XIRP2: variants seen among roughly 807,000 people sequenced by gnomAD.
The protein encoded by XIRP2 is xin actin binding repeat containing 2.
Under a neutral mutation model 277.0 loss-of-function variants are expected in XIRP2, and 236 were observed. That is an observed-to-expected ratio of 0.85 (90% CI 0.77 to 0.95). The LOEUF (loss-of-function observed/expected upper bound fraction) is 0.95. Among genes scored for constraint, XIRP2 ranks in the 40% least tolerant of loss-of-function variants. XIRP2 has a pLI of 0.00. For missense variants in XIRP2, 4,640 were observed against 4,157.5 expected, an observed-to-expected ratio of 1.12 and a Z score of -3.19; for synonymous variants, 1,490 against 1,416.5, an observed-to-expected ratio of 1.05 and a Z score of -1.17.
intron 2 of XIRP2, among the ~76,000 whole-genome samples, chr2:166,966,057 G>A (rs1046900335): frequency 8.6e-5 from 13 of 151,730 alleles, no homozygotes; most frequent in African/African-American, 3.1e-4. Flanking sequence ...ATGACACTTT[G>A]AGGCTTTTAA....
chr2:167,118,577 T>A (rs113264842), intron 2 of XIRP2, among the ~76,000 whole-genome samples: 4,610 of 152,086 alleles, frequency 0.03, 76 homozygotes, highest in East Asian at 0.05. Flanking sequence ...CCTTGCGCCT[T>A]TTACCGTTCG....
At chr2:167,128,396 C>T (rs1691271876) in intron 2 of XIRP2, among the ~76,000 whole-genome samples, 2 of 152,252 alleles carry the variant, frequency 1.3e-5, no homozygotes, top group South Asian at 4.1e-4. Context: ...GTCAACCCTC[C>T]ATATTCACAG....
chr2:167,221,058 G>T (rs868707839), intron 5 of XIRP2, among the ~76,000 whole-genome samples: 1 of 152,080 alleles, frequency 6.6e-6, no homozygotes, highest in Non-Finnish European at 1.5e-5. Context: ...ATTGAATAAA[G>T]TTAAGCCATA....
chr2:166,932,216 C>CT lies in XIRP2; in HGVS notation c.408+28340dup, dbSNP rs373806059. On this transcript the variant is annotated intron_variant, in intron 2 of 10. Transcript: ENST00000409195. ...ATGTATACACACTCTCTCTCTCTCT[C>CT]TTTTTTTTTTTTTTAATTGAGACAG... Among the ~76,000 whole-genome samples, 693 of 141,360 alleles carry CT rather than the reference C, an allele frequency of 4.9e-3. 2 individuals carry two copies. The highest frequency in any genetic ancestry group is 7.6e-3 in the Admixed American group (106 of 13,966). 92.7% of individuals were successfully genotyped at this position (141,360 alleles called of 152,430 possible). A position where few individuals can be genotyped will look rare whatever the true frequency, so the allele number is the denominator to read the frequency against.
At chr2:167,138,183 C>T (rs1450566879) in intron 3 of XIRP2, among the ~76,000 whole-genome samples, 1 of 152,154 alleles carries the variant, frequency 6.6e-6, no homozygotes, top group African/African-American at 2.4e-5. Context: ...GCAAGAGTTT[C>T]ATATTGAGGC....
intron 5 of XIRP2, among the ~76,000 whole-genome samples, chr2:167,232,271 G>A (rs1334265630): frequency 1.3e-5 from 2 of 151,868 alleles, no homozygotes; most frequent in African/African-American, 2.4e-5. Flanking sequence ...CATGAAAGAC[G>A]AAGTGTAAAT....
chr2:166,964,639 A>G (rs1309268085), intron 2 of XIRP2, among the ~76,000 whole-genome samples: 1 of 151,818 alleles, frequency 6.6e-6, no homozygotes, highest in Non-Finnish European at 1.5e-5. Flanking sequence ...CCTAATACAC[A>G]TATGTCCATC....
intron 2 of XIRP2, among the ~76,000 whole-genome samples, chr2:167,121,632 A>G (rs1289704209): frequency 6.6e-5 from 10 of 152,184 alleles, no homozygotes; most frequent in Admixed American, 6.5e-4. Flanking sequence ...GTCTCCAACT[A>G]ATAAAGATAA....
At chr2:166,905,004 G>C (rs773754665) in intron 2 of XIRP2, among the ~76,000 whole-genome samples, 1 of 151,934 alleles carries the variant, frequency 6.6e-6, no homozygotes, top group Non-Finnish European at 1.5e-5. Flanking sequence ...TTTGTTTAAT[G>C]ATAATAAGAG....
In XIRP2 at chr2:167,102,994, C is replaced by T. The variant is rs970862548; in HGVS notation, c.409-32915C>T. 2.6e-5 allele frequency among the ~76,000 whole-genome samples: 4 copies of T among 151,988 alleles called. No homozygotes were observed. The East Asian group carries it at 7.7e-4, about 29-fold the overall frequency. On this transcript the variant is annotated intron_variant, in intron 2 of 10. Transcript: ENST00000409195. ...AAACTTCAAATAAGAAAAAAAATAG[C>T]TGGGCATGGTGGCTCATGCCTGTAG...
At chr2:167,177,122 C>A (rs1406569023) in intron 3 of XIRP2, among the ~76,000 whole-genome samples, 1 of 152,170 alleles carries the variant, frequency 6.6e-6, no homozygotes, top group Non-Finnish European at 1.5e-5. Context: ...CACACTAGCC[C>A]AAATCTACTT....
Position 167,243,283 on chromosome 2 carries a change from G to A in XIRP2, c.1891G>A (p.Ala631Thr), listed in dbSNP as rs1239048975. The A allele has an allele frequency of 1.9e-6, 3 of 1,613,528 alleles. No homozygotes were observed. The highest frequency in any genetic ancestry group is 1.3e-5 in the African/African-American group (1 of 74,878). Residue 631 changes from alanine to threonine, a missense_variant, in exon 9 of 11, where the codon GCT (alanine) becomes ACT (threonine). Transcript: ENST00000409195. ...FETQPIDTLGAYSSDTVENAE... is the reference protein window; with the variant it reads ...FETQPIDTLGTYSSDTVENAE... ...AACCCAACCCATCGACACACTTGGG[G>A]CTTATTCTTCTGACACTGTAGAAAA...
chr2:166,976,256 C>A (rs1686715663), intron 2 of XIRP2, among the ~76,000 whole-genome samples: 1 of 152,222 alleles, frequency 6.6e-6, no homozygotes, highest in East Asian at 1.9e-4. Flanking sequence ...TTCCTCTCTC[C>A]CCCTTATTGT....
At chr2:167,136,159 G>A (rs936852093) in intron 3 of XIRP2, 97 bp downstream of exon 3, 6 of 1,262,770 alleles carry the variant, frequency 4.8e-6, no homozygotes, top group African/African-American at 4.6e-5. Context: ...TTAAAAATTA[G>A]TAAGGAAAAT....
At chr2:167,124,142 A>G (rs1691132987) in intron 2 of XIRP2, 1 of 152,174 alleles carries the variant, frequency 6.6e-6, no homozygotes, top group Non-Finnish European at 1.5e-5. Flanking sequence ...TAGAAATATC[A>G]TGAGAACAGA....
chr2:166,982,794 T>C (rs1424147988), intron 2 of XIRP2, among the ~76,000 whole-genome samples: 1 of 152,204 alleles, frequency 6.6e-6, no homozygotes, highest in Non-Finnish European at 1.5e-5. Context: ...GCACGCAAAT[T>C]CCAACATCTG....
chr2:167,042,653 A>G (rs1482272927), intron 2 of XIRP2, among the ~76,000 whole-genome samples: 1 of 152,210 alleles, frequency 6.6e-6, no homozygotes, highest in Non-Finnish European at 1.5e-5. Context: ...CAACAAGAAG[A>G]CTTAACTGTC....
chr2:167,144,449 A>G (rs1691809768), intron 3 of XIRP2, among the ~76,000 whole-genome samples: 1 of 152,176 alleles, frequency 6.6e-6, no homozygotes, highest in African/African-American at 2.4e-5. Flanking sequence ...TGTACTGGCT[A>G]AGACAAACAG....
intron 2 of XIRP2, among the ~76,000 whole-genome samples, chr2:167,076,965 A>G (rs574669207): frequency 6.6e-6 from 1 of 151,946 alleles, no homozygotes; most frequent in Non-Finnish European, 1.5e-5. Flanking sequence ...CGAATACCTC[A>G]GGTTACAGGC....
Sources: allele counts gnomAD v4.1 joint callset (sites outside exome capture counted in the v4.1 genomes callset), GRCh38; gene constraint gnomAD v4.1.1; transcripts MANE v1.5; gene names NCBI Gene and HGNC (gene_info 2026-07-23, HGNC 2026-07-21).